The following ZBTB7C variants were observed in gnomAD, a reference collection of about 807,000 sequenced individuals.
The protein encoded by ZBTB7C is zinc finger and BTB domain-containing protein 7C.
A neutral mutation model predicts 25.7 loss-of-function variants in ZBTB7C; 8 were observed. The ratio of observed to expected loss-of-function variants is 0.31; its 90% CI spans 0.18 to 0.56. The LOEUF (loss-of-function observed/expected upper bound fraction) is 0.56. ZBTB7C is among the 20% of genes least tolerant of loss of function. The pLI is 0.91. For synonymous variants in ZBTB7C, 394 were observed against 369.0 expected, an observed-to-expected ratio of 1.07 and a Z score of -0.78; for missense variants, 824 against 855.2, an observed-to-expected ratio of 0.96 and a Z score of 0.46.
chr18:48,065,981 G>A (rs2037313793), intron 3 of ZBTB7C, among the ~76,000 whole-genome samples: 1 of 152,178 alleles, frequency 6.6e-6, no homozygotes, highest in South Asian at 2.1e-4. Context: ...TTCCCAATAA[G>A]TTCTGGATCC....
chr18:48,282,097 G>A (rs1233399717), intron 2 of ZBTB7C, among the ~76,000 whole-genome samples: 4 of 150,858 alleles, frequency 2.7e-5, no homozygotes, highest in African/African-American at 7.3e-5. Flanking sequence ...TTAAGAAAAT[G>A]TGGCACATAT....
chr18:48,072,820 C>T (rs756399726), intron 3 of ZBTB7C, among the ~76,000 whole-genome samples: 5 of 152,218 alleles, frequency 3.3e-5, no homozygotes, highest in Non-Finnish European at 4.4e-5. Context: ...AGAAGGCAGC[C>T]GCTCTCCGCT....
chr18:48,271,718 A>T (rs543174356), intron 2 of ZBTB7C, among the ~76,000 whole-genome samples: 1 of 152,094 alleles, frequency 6.6e-6, no homozygotes, highest in South Asian at 2.1e-4. Context: ...AAGAAGAACA[A>T]ATAAATATGA....
intron 2 of ZBTB7C, among the ~76,000 whole-genome samples, chr18:48,208,267 TAAAC>T (rs1346729991): frequency 6.6e-6 from 1 of 151,918 alleles, no homozygotes; most frequent in Non-Finnish European, 1.5e-5. Flanking sequence ...AAAGGACAAA[TAAAC>T]AAGAGTGGTT....
intron 3 of ZBTB7C, among the ~76,000 whole-genome samples, chr18:48,180,789 C>T (rs565637834): frequency 1.3e-5 from 2 of 152,308 alleles, no homozygotes; most frequent in African/African-American, 4.8e-5. Flanking sequence ...TCTACAGCCT[C>T]CTAGAACATC....
chr18:48,208,412 G>A (rs1000892023), intron 2 of ZBTB7C, among the ~76,000 whole-genome samples: 2 of 151,926 alleles, frequency 1.3e-5, no homozygotes, highest in African/African-American at 4.8e-5. Flanking sequence ...TGTTCTAGAA[G>A]AAATTAATAA....
intron 3 of ZBTB7C, chr18:48,148,017 G>T (rs1324600603): frequency 6.6e-6 from 1 of 151,996 alleles, no homozygotes; most frequent in African/African-American, 2.4e-5. Context: ...GGAGTTGGGG[G>T]ACGGAGTTTT....
chr18:48,065,344 C>A (rs868438476), intron 3 of ZBTB7C, among the ~76,000 whole-genome samples: 1 of 152,152 alleles, frequency 6.6e-6, no homozygotes, highest in Non-Finnish European at 1.5e-5. Context: ...CTCACACACA[C>A]ACACACACAC....
At chr18:48,113,303 G>C (rs2039311528) in intron 3 of ZBTB7C, among the ~76,000 whole-genome samples, 1 of 152,210 alleles carries the variant, frequency 6.6e-6, no homozygotes, top group Admixed American at 6.5e-5. Flanking sequence ...TTCTTGTATG[G>C]TTATGGATGT....
At chr18:48,193,396 C>A (rs567061912) in intron 2 of ZBTB7C, among the ~76,000 whole-genome samples, 7 of 152,282 alleles carry the variant, frequency 4.6e-5, no homozygotes, top group African/African-American at 1.7e-4. Context: ...ACACTCCCAA[C>A]ACCAGATATA....
chr18:48,356,132 G>A (rs898989759), intron 1 of ZBTB7C, among the ~76,000 whole-genome samples: 2 of 152,178 alleles, frequency 1.3e-5, no homozygotes, highest in Admixed American at 6.5e-5. Context: ...TGAGTTATAG[G>A]ATCCTCAACA....
intron 3 of ZBTB7C, among the ~76,000 whole-genome samples, chr18:48,122,316 A>G (rs1308074467): frequency 2.6e-5 from 4 of 152,204 alleles, no homozygotes; most frequent in Non-Finnish European, 5.9e-5. Context: ...GACAATTGAT[A>G]TTACCATTTT....
At chr18:48,165,288 C>T (rs952913094) in intron 3 of ZBTB7C, 1 of 469,852 alleles carries the variant, frequency 2.1e-6, no homozygotes, top group Non-Finnish European at 4.1e-6. Flanking sequence ...TATTCCAGTT[C>T]CTCATGCATT....
intron 2 of ZBTB7C, chr18:48,203,488 G>T (rs189202369): frequency 1.1e-3 from 160 of 152,374 alleles, no homozygotes; most frequent in African/African-American, 3.7e-3. Flanking sequence ...GTTCTGCAGT[G>T]CAAAAGAATG....
upstream of ZBTB7C, among the ~76,000 whole-genome samples, chr18:48,410,339 G>T (rs2048369923): frequency 6.6e-6 from 1 of 152,176 alleles, no homozygotes; most frequent in Non-Finnish European, 1.5e-5. Flanking sequence ...CACACGCCGG[G>T]GAGCAGCCGC....
At chr18:48,140,472 G>A (rs2040306556) in intron 3 of ZBTB7C, among the ~76,000 whole-genome samples, 1 of 152,200 alleles carries the variant, frequency 6.6e-6, no homozygotes, top group Admixed American at 6.5e-5. Flanking sequence ...GATAAAATTG[G>A]ACATCACACT....
rs531357411 is a variant in ZBTB7C, at chr18:48,315,675, A to T, written c.-79+22499T>A. On this transcript the variant is annotated intron_variant, in intron 2 of 4. Coordinates refer to ENST00000590800, the MANE Select transcript of ZBTB7C (RefSeq NM_001318841.2). ...CTCCCGGTAGGAAGGGTGGCTCCTC[A>T]TGGGCGTGGATAGATCAGCCTCTCC... Among the ~76,000 whole-genome samples, 4 of 152,190 alleles carry T rather than the reference A, an allele frequency of 2.6e-5. No homozygotes were observed. The East Asian group carries it at 7.8e-4, about 30-fold the overall frequency.
intron 3 of ZBTB7C, among the ~76,000 whole-genome samples, chr18:48,041,739 C>CT (rs140682071): frequency 0.17 from 25,518 of 150,984 alleles, 2,676 homozygotes; most frequent in African/African-American, 0.3. Context: ...AATCTTGATC[C>CT]TTTTTTTAAA....
intron 3 of ZBTB7C, chr18:48,185,524 C>G (rs1007086547): frequency 2.4e-5 from 7 of 289,958 alleles, no homozygotes; most frequent in African/African-American, 1.6e-4. Flanking sequence ...GTTTAACACA[C>G]TGTTAAATGG....
Sources: gnomAD v4.1 joint callset for allele counts (sites outside exome capture counted in the v4.1 genomes callset) on GRCh38, gnomAD v4.1.1 for gene constraint, MANE v1.5 for transcripts, NCBI Gene and HGNC (gene_info 2026-07-23, HGNC 2026-07-21) for gene names.